The following IFT80 variants were observed in gnomAD, a reference collection of about 807,000 sequenced individuals.
IFT80 encodes intraflagellar transport 80, also known as intraflagellar transport protein 80 homolog.
Under a neutral mutation model 107.9 loss-of-function variants are expected in IFT80, and 79 were observed. The ratio of observed to expected loss-of-function variants is 0.73; its 90% CI spans 0.61 to 0.88. IFT80 has a LOEUF of 0.88. Among genes scored for constraint, IFT80 ranks in the 40% least tolerant of loss-of-function variants. IFT80 has a pLI of 0.00. For synonymous variants in IFT80, 299 were observed against 300.9 expected (o/e 0.99, Z 0.07); for missense variants, 797 against 914.2 (o/e 0.87, Z 1.65).
chr3:160,374,968 T>C (rs1458516227), intron 5 of IFT80, among the ~76,000 whole-genome samples: 1 of 152,178 alleles, frequency 6.6e-6, no homozygotes, highest in Admixed American at 6.6e-5. Flanking sequence ...TAACATTCAG[T>C]TAATATACAG....
chr3:160,350,408 T>C (rs1169736328), intron 8 of IFT80, among the ~76,000 whole-genome samples: 2 of 114,246 alleles, frequency 1.8e-5, no homozygotes, highest in Non-Finnish European at 3.8e-5. Context: ...AGAGCAAGAC[T>C]CTGTCTCAAA....
chr3:160,347,786 A>T (rs1720401388), intron 8 of IFT80, among the ~76,000 whole-genome samples: 1 of 152,192 alleles, frequency 6.6e-6, no homozygotes, highest in South Asian at 2.1e-4. Flanking sequence ...TATACAGAAT[A>T]ATAACCAATC....
intron 5 of IFT80, among the ~76,000 whole-genome samples, chr3:160,373,079 T>A (rs1422096299): frequency 6.6e-6 from 1 of 152,134 alleles, no homozygotes; most frequent in African/African-American, 2.4e-5. Flanking sequence ...AAGCAAATTT[T>A]GTATTTTTTG....
In IFT80 at chr3:160,351,531, AATATATATATACACATATATTATATGT is replaced by A. The variant is rs1559955201; in HGVS notation, c.777+4455_777+4481del. 2.0e-5 allele frequency among the ~76,000 whole-genome samples: 3 copies of A among 147,100 alleles called. No individual in the cohort carries two copies. In the Admixed American group the frequency reaches 2.0e-4, roughly 10 times the overall value. On this transcript the variant is annotated intron_variant, in intron 8 of 19. Coordinates refer to ENST00000326448, the MANE Select transcript of IFT80 (RefSeq NM_020800.3). ...AATATCCTCCAGAAAGATTTGAACA[AATATATATATACACATATATTATATGT>A]ATATATATATACACACATATATTAT...
At chr3:160,277,716 T>C in intron 16 of IFT80, 46 bp from the exon 17 acceptor site, 1 of 1,251,300 alleles carries the variant, frequency 8.0e-7, no homozygotes, top group South Asian at 1.2e-5. Context: ...GTGACTGAAC[T>C]GCCTTAAAAT....
Position 160,313,648 on chromosome 3 carries a change from C to T in IFT80, c.958-5867G>A, listed in dbSNP as rs1384382209. On this transcript the variant is annotated intron_variant, in intron 9 of 19. Transcript: ENST00000326448. ...TTTTGAGACAAGAGTCTTGCTCTGT[C>T]ACCCAGGCTGGAGTGCAGTGGCGTG... 3.4e-5 allele frequency among the ~76,000 whole-genome samples: 5 copies of T among 148,316 alleles called. No homozygotes were observed. The East Asian group carries it at 9.9e-4, about 29-fold the overall frequency.
intron 8 of IFT80, among the ~76,000 whole-genome samples, chr3:160,352,817 T>C (rs1426200319): frequency 6.6e-6 from 1 of 152,194 alleles, no homozygotes; most frequent in Non-Finnish European, 1.5e-5. Context: ...TTTCTACTTA[T>C]ACAGCAAGGA....
Position 160,301,068 on chromosome 3 carries a change from T to C in IFT80, c.1152-22A>G, listed in dbSNP as rs1473057548. On this transcript the variant is annotated intron_variant, in intron 11 of 19. Transcript: ENST00000326448. Reference sequence around the variant, plus strand: ...ATGTCTAAAAAATAAAGAATAGAAATAGATTCTCAAACAGGAGTATACTTT... The same window carrying C: ...ATGTCTAAAAAATAAAGAATAGAAACAGATTCTCAAACAGGAGTATACTTT... 6.5e-6 allele frequency: 10 copies of C among 1,549,166 alleles called. No homozygotes were observed. In the South Asian group the frequency reaches 6.9e-5, roughly 11 times the overall value.
At chr3:160,289,043 G>T (rs1371130141) in intron 12 of IFT80, among the ~76,000 whole-genome samples, 1 of 152,172 alleles carries the variant, frequency 6.6e-6, no homozygotes, top group Middle Eastern at 3.2e-3. Context: ...CAATGGCAAA[G>T]ATATGGAGTT....
chr3:160,338,484 T>C (rs1028572864), intron 8 of IFT80, among the ~76,000 whole-genome samples: 1 of 152,002 alleles, frequency 6.6e-6, no homozygotes, highest in Non-Finnish European at 1.5e-5. Flanking sequence ...AATTAAAAAT[T>C]AGCTGGGCTT....
At chr3:160,284,294 T>C (rs146590982) in intron 13 of IFT80, among the ~76,000 whole-genome samples, 1 of 152,194 alleles carries the variant, frequency 6.6e-6, no homozygotes, top group Non-Finnish European at 1.5e-5. Flanking sequence ...TTAAAATAAA[T>C]ATTTAAGCTT....
intron 14 of IFT80, among the ~76,000 whole-genome samples, chr3:160,282,103 C>T (rs1053148860): frequency 6.6e-6 from 1 of 152,144 alleles, no homozygotes; most frequent in African/African-American, 2.4e-5. Flanking sequence ...CATGGTGAAA[C>T]CTTGTCTCTA....
intron 9 of IFT80, among the ~76,000 whole-genome samples, chr3:160,309,579 C>T (rs527263562): frequency 2.6e-5 from 4 of 152,070 alleles, no homozygotes; most frequent in African/African-American, 7.2e-5. Context: ...CCCAGCTACT[C>T]AGGAGGCTGA....
intron 8 of IFT80, among the ~76,000 whole-genome samples, chr3:160,332,296 G>A (rs1379511475): frequency 6.6e-6 from 1 of 152,296 alleles, no homozygotes. Context: ...GAGACAATGG[G>A]AAGGTGTGGG....
chr3:160,268,527 T>C lies in IFT80; in HGVS notation c.2109A>G (p.Glu703=), dbSNP rs1329102675. Residue 703 remains glutamate (E), a synonymous_variant, in exon 19 of 20, where the codon GAA becomes GAG. Transcript: ENST00000326448. ...CATGTGTTTTGTATTTTACAGCCAA[T>C]TCCAGTGCCCTATAATGAGAAATAA... The part of the protein sequence containing the change: ...INLYNWERAL[E]LAVKYKTHVD... The C allele has an allele frequency of 6.2e-7, 1 of 1,613,166 alleles. No individual in the cohort carries two copies. The highest frequency in any genetic ancestry group is 8.5e-7 in the Non-Finnish European group (1 of 1,179,432).
chr3:160,374,495 CT>C (rs2108392291), intron 5 of IFT80, among the ~76,000 whole-genome samples: 1 of 151,774 alleles, frequency 6.6e-6, no homozygotes, highest in East Asian at 1.9e-4. Context: ...CTCTGAAGAT[CT>C]GTGTCATCTA....
chr3:160,259,002 G>A (rs1312107673), intron 19 of IFT80, among the ~76,000 whole-genome samples: 2 of 152,044 alleles, frequency 1.3e-5, no homozygotes, highest in African/African-American at 2.4e-5. Flanking sequence ...CAGCTATTAG[G>A]GAGGCTAAGG....
At chr3:160,293,638 T>C (rs1445156626) in intron 12 of IFT80, among the ~76,000 whole-genome samples, 1 of 152,180 alleles carries the variant, frequency 6.6e-6, no homozygotes, top group Non-Finnish European at 1.5e-5. Context: ...TCAAAAATGC[T>C]TGGAATTTTC....
chr3:160,314,928 A>T (rs532203659), intron 9 of IFT80, among the ~76,000 whole-genome samples: 1 of 152,172 alleles, frequency 6.6e-6, no homozygotes, highest in Admixed American at 6.5e-5. Flanking sequence ...AAGGTTGGGG[A>T]TGTGCCCAGG....
Sources: gnomAD v4.1 joint callset for allele counts (sites outside exome capture counted in the v4.1 genomes callset) on GRCh38, gnomAD v4.1.1 for gene constraint, MANE v1.5 for transcripts, NCBI Gene and HGNC (gene_info 2026-07-23, HGNC 2026-07-21) for gene names.